DAPK2: variants seen among roughly 807,000 people sequenced by gnomAD.
DAPK2 encodes the protein death associated protein kinase 2.
DAPK2 carries 35 observed loss-of-function variants against 44.1 expected under a neutral mutation model. The ratio of observed to expected loss-of-function variants is 0.79; its 90% CI spans 0.61 to 1.05. The LOEUF (loss-of-function observed/expected upper bound fraction) is 1.05. DAPK2 is among the 50% of genes least tolerant of loss of function. DAPK2 has a pLI of 0.00. For missense variants in DAPK2, 453 were observed against 483.2 expected, an observed-to-expected ratio of 0.94 and a Z score of 0.59; for synonymous variants, 174 against 182.6, an observed-to-expected ratio of 0.95 and a Z score of 0.38.
chr15:64,033,126 G>A (rs925957996), intron 1 of DAPK2, among the ~76,000 whole-genome samples: 1 of 151,810 alleles, frequency 6.6e-6, no homozygotes, highest in Admixed American at 6.6e-5. Context: ...TGGGCATGGT[G>A]GCACATGCCT....
intron 2 of DAPK2, among the ~76,000 whole-genome samples, chr15:63,974,589 T>A (rs890143468): frequency 9.2e-5 from 14 of 152,166 alleles, no homozygotes; most frequent in African/African-American, 3.4e-4. Context: ...AGGTTTTTAT[T>A]ATGTAGATGA....
chr15:64,004,087 T>C (rs937998577), intron 1 of DAPK2, among the ~76,000 whole-genome samples: 6 of 151,104 alleles, frequency 4.0e-5, no homozygotes, highest in Admixed American at 3.3e-4. Context: ...GGTTCTTCTC[T>C]CTCTCTCTCT....
intron 4 of DAPK2, among the ~76,000 whole-genome samples, chr15:63,930,835 G>A (rs919860223): frequency 6.6e-6 from 1 of 152,116 alleles, no homozygotes; most frequent in African/African-American, 2.4e-5. Context: ...GAGGCAGGAG[G>A]ATTGCTGGAG....
chr15:64,004,550 C>T (rs1301704881), intron 1 of DAPK2, among the ~76,000 whole-genome samples: 4 of 152,206 alleles, frequency 2.6e-5, no homozygotes, highest in Non-Finnish European at 5.9e-5. Flanking sequence ...GGACTTTGAG[C>T]ACCTTAGTGG....
intron 3 of DAPK2, among the ~76,000 whole-genome samples, chr15:63,957,791 G>C (rs914639036): frequency 6.6e-6 from 1 of 152,030 alleles, no homozygotes; most frequent in Admixed American, 6.6e-5. Flanking sequence ...AGTCTTTGCT[G>C]TTGTGAATAG....
intron 1 of DAPK2, among the ~76,000 whole-genome samples, chr15:64,033,344 G>A (rs1048805439): frequency 1.3e-5 from 2 of 149,228 alleles, no homozygotes; most frequent in African/African-American, 5.0e-5. Flanking sequence ...AATAGCTGCT[G>A]GGTTAACTCC....
At chr15:63,978,957 G>T (rs1379346213) in intron 2 of DAPK2, among the ~76,000 whole-genome samples, 1 of 152,182 alleles carries the variant, frequency 6.6e-6, no homozygotes, top group African/African-American at 2.4e-5. Flanking sequence ...CAGCGATAGG[G>T]GAAAAATGCT....
rs897782757 is a variant in DAPK2, at chr15:63,939,543, C to A, written c.454-182G>T. Among the ~76,000 whole-genome samples, 3 of 152,090 alleles carry A rather than the reference C, an allele frequency of 2.0e-5. No individual in the cohort carries two copies. The highest frequency in any genetic ancestry group is 6.5e-5 in the Admixed American group (1 of 15,272). On this transcript the variant is annotated intron_variant, in intron 3 of 10. Coordinates refer to ENST00000261891, the Ensembl canonical transcript of DAPK2. This position sits in a 1 kb window ranked among gnomAD's most constrained non-coding sequence, Gnocchi z 4.3. ...TTTGGTCCTCAGTCTTCTCTGTGAA[C>A]CCAAAGACAGGTAAAGCATTGAGGG...
chr15:64,005,810 CT>C (rs1291522237), intron 1 of DAPK2, among the ~76,000 whole-genome samples: 2 of 152,118 alleles, frequency 1.3e-5, no homozygotes, highest in East Asian at 3.9e-4. Context: ...GGGAGGATCA[CT>C]GGAGACCAGG....
At chr15:64,000,077 A>G (rs1436714560) in intron 1 of DAPK2, among the ~76,000 whole-genome samples, 2 of 152,106 alleles carry the variant, frequency 1.3e-5, no homozygotes, top group Non-Finnish European at 2.9e-5. Flanking sequence ...AACGTTTTCA[A>G]ATAAGCCTTA....
At chr15:63,964,993 G>T (rs2078014566) in intron 3 of DAPK2, among the ~76,000 whole-genome samples, 1 of 152,138 alleles carries the variant, frequency 6.6e-6, no homozygotes, top group Non-Finnish European at 1.5e-5. Context: ...TTCCTGGATG[G>T]TTTTGATGCT....
At chr15:64,037,724 G>A (rs1422285830) in intron 1 of DAPK2, among the ~76,000 whole-genome samples, 5 of 152,144 alleles carry the variant, frequency 3.3e-5, no homozygotes, top group Admixed American at 1.3e-4. Flanking sequence ...GTGGCCCCAG[G>A]CAAGACCCTT....
In DAPK2 at chr15:63,930,311, G is replaced by C. The variant is rs1177310995; in HGVS notation, c.632+96C>G. On this transcript the variant is annotated intron_variant, in intron 5 of 10. Coordinates refer to ENST00000261891, the Ensembl canonical transcript of DAPK2. Reference sequence around the variant, plus strand: ...CTGAACAGTGAGTGTGGAGTAAGGGGCTTTCATGGTTAAGCGGATGTCACC... The same window carrying C: ...CTGAACAGTGAGTGTGGAGTAAGGGCCTTTCATGGTTAAGCGGATGTCACC... 6.8e-6 allele frequency: 8 copies of C among 1,178,042 alleles called. No individual in the cohort carries two copies. In the East Asian group the frequency reaches 1.9e-4, roughly 27 times the overall value. 73.0% of individuals were successfully genotyped at this position (1,178,042 alleles called of 1,614,324 possible).
chr15:63,921,793 G>T (rs2079079477), intron 8 of DAPK2: 1 of 152,238 alleles, frequency 6.6e-6, no homozygotes, highest in Admixed American at 6.5e-5. Context: ...AGGAGAAAGG[G>T]TGGAGAATGG....
intron 8 of DAPK2, chr15:63,921,077 A>G (rs1431922430): frequency 6.6e-6 from 1 of 152,236 alleles, no homozygotes; most frequent in African/African-American, 2.4e-5. Flanking sequence ...ATTCTTGGTC[A>G]ATGTTCAAAT....
intron 2 of DAPK2, among the ~76,000 whole-genome samples, chr15:63,972,911 ATTCAT>A (rs2078251807): frequency 6.6e-6 from 1 of 152,238 alleles, no homozygotes; most frequent in Admixed American, 6.5e-5. Context: ...GCCAGGTGCT[ATTCAT>A]CAAGACAATA....
intron 3 of DAPK2, among the ~76,000 whole-genome samples, chr15:63,965,515 AGCCAG>A (rs1190001857): frequency 6.6e-6 from 1 of 152,236 alleles, no homozygotes; most frequent in East Asian, 1.9e-4. Context: ...TGGCAAAGCC[AGCCAG>A]GCTTGTGTCC....
At chr15:64,039,935 AT>A (rs1387060614) in intron 1 of DAPK2, among the ~76,000 whole-genome samples, 2 of 152,252 alleles carry the variant, frequency 1.3e-5, no homozygotes, top group East Asian at 3.8e-4. Flanking sequence ...TGCCAGCTAG[AT>A]TATGCTGAAA....
chr15:64,000,185 C>CA (rs2079046813), intron 1 of DAPK2, among the ~76,000 whole-genome samples: 1 of 101,500 alleles, frequency 9.9e-6, no homozygotes, highest in Non-Finnish European at 2.2e-5. Flanking sequence ...ACTACTACTA[C>CA]TACACACACA....
Sources: gnomAD v4.1 joint callset for allele counts (sites outside exome capture counted in the v4.1 genomes callset) on GRCh38, gnomAD v4.1.1 for gene constraint, Gnocchi (gnomAD v3.1) non-coding constraint, MANE v1.5 for transcripts, NCBI Gene and HGNC (gene_info 2026-07-23, HGNC 2026-07-21) for gene names.